The following GMDS variants were observed in gnomAD, a reference collection of about 807,000 sequenced individuals.
GMDS encodes GDP-mannose 4,6 dehydratase.
Under a neutral mutation model 49.9 loss-of-function variants are expected in GMDS, and 20 were observed. The observed-to-expected ratio is 0.40, with a 90% CI of 0.28 to 0.58. The LOEUF (loss-of-function observed/expected upper bound fraction) is 0.58. GMDS is among the 20% of genes least tolerant of loss of function. The probability of loss-of-function intolerance (pLI) is 0.42; values close to 1 mark genes in which losing one functional copy is unlikely to be tolerated. For synonymous variants in GMDS, 177 were observed against 178.6 expected, an observed-to-expected ratio of 0.99 and a Z score of 0.07; for missense variants, 362 against 481.4, an observed-to-expected ratio of 0.75 and a Z score of 2.32.
At chr6:1,922,701 C>T (rs983037706) in intron 7 of GMDS, among the ~76,000 whole-genome samples, 2 of 152,170 alleles carry the variant, frequency 1.3e-5, no homozygotes, top group Non-Finnish European at 2.9e-5. Flanking sequence ...GAAAACTTGA[C>T]TTCAGAGAGC....
chr6:2,199,391 G>A (rs1446921792), intron 1 of GMDS, among the ~76,000 whole-genome samples: 1 of 152,164 alleles, frequency 6.6e-6, no homozygotes, highest in Non-Finnish European at 1.5e-5. Context: ...CAAATCAAAT[G>A]TCATTCCATT....
intron 9 of GMDS, among the ~76,000 whole-genome samples, chr6:1,692,770 C>T (rs1765219173): frequency 6.6e-6 from 1 of 152,202 alleles, no homozygotes; most frequent in Non-Finnish European, 1.5e-5. Context: ...CTTCCTTCTA[C>T]TTAACTTTCT....
intron 4 of GMDS, among the ~76,000 whole-genome samples, chr6:2,107,874 C>T (rs1316603973): frequency 1.3e-5 from 2 of 152,208 alleles, no homozygotes; most frequent in African/African-American, 4.8e-5. Context: ...TTTCAAAGTA[C>T]TCACTGCTCT....
chr6:2,056,696 G>A (rs1043153990), intron 4 of GMDS, among the ~76,000 whole-genome samples: 5 of 152,102 alleles, frequency 3.3e-5, no homozygotes, highest in Admixed American at 3.3e-4. Context: ...ATACTTTAAT[G>A]CTCCAAAAGT....
intron 4 of GMDS, among the ~76,000 whole-genome samples, chr6:2,071,827 A>AT (rs1772022025): frequency 6.6e-6 from 1 of 152,198 alleles, no homozygotes; most frequent in African/African-American, 2.4e-5. Context: ...AAGACGGTCC[A>AT]AGCTCGAGCT....
intron 4 of GMDS, among the ~76,000 whole-genome samples, chr6:2,102,069 C>T (rs1216392542): frequency 6.6e-6 from 1 of 152,040 alleles, no homozygotes; most frequent in African/African-American, 2.4e-5. Context: ...TATTATACTA[C>T]ACTGGAAATT....
intron 1 of GMDS, among the ~76,000 whole-genome samples, chr6:2,155,152 T>TA (rs2127540931): frequency 6.6e-6 from 1 of 152,254 alleles, no homozygotes; most frequent in East Asian, 1.9e-4. Context: ...TTAACATCTT[T>TA]AAATGAGGCT....
intron 9 of GMDS, among the ~76,000 whole-genome samples, chr6:1,710,629 C>G (rs1765919906): frequency 6.6e-6 from 1 of 152,196 alleles, no homozygotes; most frequent in Non-Finnish European, 1.5e-5. Context: ...CTGGAGCTCT[C>G]CGAGGATGGG....
At chr6:2,087,072 A>T (rs1366301765) in intron 4 of GMDS, among the ~76,000 whole-genome samples, 1 of 152,090 alleles carries the variant, frequency 6.6e-6, no homozygotes, top group Non-Finnish European at 1.5e-5. Context: ...GAGTGCCTTC[A>T]CCTCCTAAGG....
intron 6 of GMDS, among the ~76,000 whole-genome samples, chr6:1,934,309 G>C (rs1475312717): frequency 2.6e-5 from 4 of 152,208 alleles, no homozygotes; most frequent in African/African-American, 9.6e-5. Flanking sequence ...AAATTAGGAA[G>C]TATGAGTTCT....
At chr6:2,202,968 C>T (rs1357575227) in intron 1 of GMDS, among the ~76,000 whole-genome samples, 2 of 152,148 alleles carry the variant, frequency 1.3e-5, no homozygotes, top group African/African-American at 2.4e-5. Flanking sequence ...GGGCTGTGCA[C>T]CCCCTTTGGC....
chr6:1,812,272 C>T (rs777099424), intron 7 of GMDS, among the ~76,000 whole-genome samples: 1 of 152,068 alleles, frequency 6.6e-6, no homozygotes, highest in East Asian at 1.9e-4. Flanking sequence ...GGACTCCGAG[C>T]ACAGAGCAAG....
intron 1 of GMDS, among the ~76,000 whole-genome samples, chr6:2,188,500 G>A (rs540391188): frequency 2.6e-5 from 4 of 152,290 alleles, no homozygotes; most frequent in African/African-American, 9.6e-5. Context: ...CATTACTGAA[G>A]TAGGAAAAAG....
chr6:2,045,597 T>G (rs1160526607), intron 4 of GMDS, among the ~76,000 whole-genome samples: 1 of 152,044 alleles, frequency 6.6e-6, no homozygotes, highest in Non-Finnish European at 1.5e-5. Context: ...CATAATTGGT[T>G]TTGGGGGTTT....
chr6:1,751,742 T>G (rs1310503532), intron 7 of GMDS, among the ~76,000 whole-genome samples: 1 of 152,180 alleles, frequency 6.6e-6, no homozygotes, highest in East Asian at 1.9e-4. Context: ...TCCACCTGCC[T>G]CAGGCTCCCA....
rs529445759 is a variant in GMDS, at chr6:1,714,725, C to T, written c.987+11691G>A. 9.2e-5 allele frequency among the ~76,000 whole-genome samples: 14 copies of T among 152,368 alleles called. No individual in the cohort carries two copies. The East Asian group carries it at 2.7e-3, about 29-fold the overall frequency. On this transcript the variant is annotated intron_variant, in intron 9 of 10. Transcript: ENST00000380815. ...GGAGGCTCAGAGCCGGCAATGCCTC[C>T]AGTTGGCAGTCGTACTCTCTTCAGA...
intron 7 of GMDS, among the ~76,000 whole-genome samples, chr6:1,774,620 G>A (rs1411625191): frequency 6.6e-6 from 1 of 152,200 alleles, no homozygotes; most frequent in Non-Finnish European, 1.5e-5. Flanking sequence ...CCTTCTGTCT[G>A]TCTCACCAAA....
At chr6:1,718,958 G>A (rs1477672410) in intron 9 of GMDS, among the ~76,000 whole-genome samples, 3 of 151,926 alleles carry the variant, frequency 2.0e-5, no homozygotes, top group African/African-American at 2.4e-5. Context: ...TTTTTAGTTT[G>A]GATATTGTTA....
Position 2,125,171 on chromosome 6 carries a change from C to A in GMDS, c.103-440G>T, listed in dbSNP as rs529322897. ...GATCACTGGGGGTCAGGCACAGTTG[C>A]TCACACCTATAATCCTGGTACTTTG... is the stretch of plus-strand genomic sequence containing the variant. On this transcript the variant is annotated intron_variant, in intron 1 of 10. Coordinates refer to ENST00000380815, the MANE Select transcript of GMDS (RefSeq NM_001500.4). Among the ~76,000 whole-genome samples, 14 of 152,324 alleles carry A rather than the reference C, an allele frequency of 9.2e-5. No homozygotes were observed. In the South Asian group the frequency reaches 2.9e-3, roughly 32 times the overall value.
Sources: gnomAD v4.1 joint callset for allele counts (sites outside exome capture counted in the v4.1 genomes callset) on GRCh38, gnomAD v4.1.1 for gene constraint, MANE v1.5 for transcripts, NCBI Gene and HGNC (gene_info 2026-07-23, HGNC 2026-07-21) for gene names.